Variants in RNASET2 observed in about 807,000 individuals in gnomAD.
RNASET2 encodes the protein ribonuclease 6.
RNASET2 carries 28 observed loss-of-function variants against 33.9 expected under a neutral mutation model. The ratio of observed to expected loss-of-function variants is 0.83; its 90% CI spans 0.61 to 1.13. RNASET2 has a LOEUF of 1.13. RNASET2 is among the 50% of genes most tolerant of loss of function. The pLI is 0.00. For synonymous variants in RNASET2, 123 were observed against 121.0 expected (o/e 1.02, Z -0.11); for missense variants, 330 against 319.9 (o/e 1.03, Z -0.24).
In RNASET2 at chr6:166,925,253, G is replaced by A. The variant is rs1420903389; in HGVS notation, c.*4335C>T. On this transcript the variant is annotated 3_prime_UTR_variant, in exon 9 of 9. Coordinates refer to ENST00000508775, the MANE Select transcript of RNASET2 (RefSeq NM_003730.6). ...GCTGTCCAGCCGACACCTACGATGCGCAGTCCATGTCTCCGCTGCCCAGGC... is the reference window on the plus strand; with the variant it reads ...GCTGTCCAGCCGACACCTACGATGCACAGTCCATGTCTCCGCTGCCCAGGC... Among the ~76,000 whole-genome samples the A allele has an allele frequency of 3.5e-5, 5 of 143,256 alleles. No homozygotes were observed. The highest frequency in any genetic ancestry group is 4.2e-4 in the East Asian group (2 of 4,714). The allele number at this position is 143,256 out of a possible 152,430, so 94.0% of individuals were successfully genotyped here.
At position 166,925,168 on chromosome 6, in the gene RNASET2, GCCGC is replaced by G. The variant is rs1778285930; in HGVS notation, c.*4416_*4419del. Among the ~76,000 whole-genome samples the G allele has an allele frequency of 9.6e-6, 1 of 104,196 alleles. No homozygotes were observed. Among genetic ancestry groups the G allele is most frequent in the African/African-American group, 7.2e-5 (1 of 13,830 alleles). 68.4% of individuals were successfully genotyped at this position (104,196 alleles called of 152,430 possible). On this transcript the variant is annotated 3_prime_UTR_variant, in exon 9 of 9. Transcript: ENST00000508775. ...TCTACGCCATCCAGCCCTCACTCCT[GCCGC>G]CCAGCCCTCACTCCTGCCGCCCAGC...
In RNASET2 at chr6:166,925,080, T is replaced by A. The variant is rs1259179047; in HGVS notation, c.*4508A>T. 1.5e-5 allele frequency among the ~76,000 whole-genome samples: 2 copies of A among 130,430 alleles called. No individual in the cohort carries two copies. The highest frequency in any genetic ancestry group is 3.2e-5 in the Non-Finnish European group (2 of 61,690). The allele number at this position is 130,430 out of a possible 152,430, so 85.6% of individuals were successfully genotyped here. A position where few individuals can be genotyped will look rare whatever the true frequency, so the allele number is the denominator to read the frequency against. On this transcript the variant is annotated 3_prime_UTR_variant, in exon 9 of 9. Transcript: ENST00000508775. ...GGCCTCTACCCAGTCATCTAGGCAT[T>A]CTCCCTGCCGTCTAGCCCAAAACCG...
chr6:166,954,468 T>C, intron 1 of RNASET2, among the ~76,000 whole-genome samples: 1 of 152,216 alleles, frequency 6.6e-6, no homozygotes, highest in Non-Finnish European at 1.5e-5. Flanking sequence ...TTACTATTTC[T>C]ACTTTACAGA....
intron 6 of RNASET2, chr6:166,934,792 T>C (rs1272643110): frequency 6.5e-6 from 1 of 152,764 alleles, no homozygotes; most frequent in Non-Finnish European, 1.5e-5. Context: ...CTCCAAGATG[T>C]TCACATGACA....
chr6:166,942,995 C>G, intron 5 of RNASET2, 24 bp downstream of exon 5: 1 of 1,603,864 alleles, frequency 6.2e-7, no homozygotes, highest in Non-Finnish European at 8.5e-7. Context: ...GTAATCAAGA[C>G]AGCAATCAGA....
chr6:166,930,145 A>C (rs1778384527), intron 8 of RNASET2, among the ~76,000 whole-genome samples: 1 of 152,234 alleles, frequency 6.6e-6, no homozygotes, highest in African/African-American at 2.4e-5. Flanking sequence ...ATCTATCAAG[A>C]TATTAGGAGA....
intron 4 of RNASET2, 52 bp downstream of exon 4, chr6:166,946,630 G>T: frequency 1.0e-6 from 1 of 978,900 alleles, no homozygotes; most frequent in Non-Finnish European, 1.6e-6. Context: ...GTGAAGAAAA[G>T]AGTTAATCTA....
At position 166,943,026 on chromosome 6, in the gene RNASET2, G is replaced by T. The variant is rs780445402; in HGVS notation, c.325C>A (p.Arg109Ser). ...TCAGAGGCTGGGACTTACCAGAAGCGGCTGCGATTGGGAAACGAGTGAATT... is the reference window on the plus strand; with the variant it reads ...TCAGAGGCTGGGACTTACCAGAAGCTGCTGCGATTGGGAAACGAGTGAATT... ...DVIHSFPNRS[R>S]FWKHEWEKHG... is the part of the protein sequence containing the mutation. Residue 109 changes from arginine to serine, a missense_variant, in exon 5 of 9, where the codon CGC becomes AGC. Physicochemically the swap from Arg to Ser is moderately radical, Grantham distance 110. Coordinates refer to ENST00000508775, the MANE Select transcript of RNASET2 (RefSeq NM_003730.6). The T allele has an allele frequency of 6.8e-6, 11 of 1,613,492 alleles. No individual in the cohort carries two copies. The highest frequency in any genetic ancestry group is 9.3e-6 in the Non-Finnish European group (11 of 1,179,606).
chr6:166,931,517 T>C (rs1437535160), intron 7 of RNASET2: 6 of 261,296 alleles, frequency 2.3e-5, no homozygotes, highest in African/African-American at 8.9e-5. Context: ...CACTCTGAAG[T>C]ATCTCTCTCT....
chr6:166,936,004 C>T (rs1778557426), intron 6 of RNASET2, among the ~76,000 whole-genome samples: 1 of 152,046 alleles, frequency 6.6e-6, no homozygotes, highest in South Asian at 2.1e-4. Flanking sequence ...GAAAAGCCAA[C>T]CTATGAGAAA....
chr6:166,950,507 C>G (rs1778957621), intron 2 of RNASET2, among the ~76,000 whole-genome samples: 1 of 152,262 alleles, frequency 6.6e-6, no homozygotes. Context: ...AAAGTCACTA[C>G]CACTCAGTGC....
chr6:166,943,308 A>G (rs1778738185), intron 4 of RNASET2: 1 of 454,454 alleles, frequency 2.2e-6, no homozygotes, highest in East Asian at 4.6e-5. Flanking sequence ...CGAAAATACA[A>G]GCTGTTATAG....
Position 166,923,425 on chromosome 6 carries a change from G to C in RNASET2, c.*6163C>G, listed in dbSNP as rs370494246. On this transcript the variant is annotated 3_prime_UTR_variant, in exon 9 of 9. Transcript: ENST00000508775. ...AGTAGAGATAGGGTTTCGTCCTGTTGGCCAGGGTGGTCTTGAACGCTTGAC... is the reference window on the plus strand; with the variant it reads ...AGTAGAGATAGGGTTTCGTCCTGTTCGCCAGGGTGGTCTTGAACGCTTGAC... Among the ~76,000 whole-genome samples, 5 of 151,768 alleles carry C rather than the reference G, an allele frequency of 3.3e-5. No individual in the cohort carries two copies. Among genetic ancestry groups the C allele is most frequent in the Non-Finnish European group, 7.4e-5 (5 of 67,984 alleles).
At position 166,927,692 on chromosome 6, in the gene RNASET2, C is replaced by A. The variant is rs943693034; in HGVS notation, c.*1896G>T. ...ATGAAGATAAAACCCAAGCCTTGAT[C>A]CCTGTGTTCGCAAAATGACTCAAAA... On this transcript the variant is annotated 3_prime_UTR_variant, in exon 9 of 9. Transcript: ENST00000508775. Among the ~76,000 whole-genome samples, 1 of 137,204 alleles carries A rather than the reference C, an allele frequency of 7.3e-6. No individual in the cohort carries two copies. The highest frequency in any genetic ancestry group is 2.0e-4 in the East Asian group (1 of 4,978). 90.0% of individuals were successfully genotyped at this position (137,204 alleles called of 152,430 possible). A position where few individuals can be genotyped will look rare whatever the true frequency, so the allele number is the denominator to read the frequency against.
chr6:166,938,222 T>A (rs1778612899), intron 6 of RNASET2, among the ~76,000 whole-genome samples: 1 of 152,182 alleles, frequency 6.6e-6, no homozygotes, highest in African/African-American at 2.4e-5. Context: ...TGAAGGTCAG[T>A]GAGAGCAGCT....
At chr6:166,937,661 A>G (rs1318938451) in intron 6 of RNASET2, among the ~76,000 whole-genome samples, 1 of 152,204 alleles carries the variant, frequency 6.6e-6, no homozygotes, top group African/African-American at 2.4e-5. Context: ...GAGCTGGAAG[A>G]GACTTCAGGG....
At chr6:166,947,545 C>T (rs1476114224) in intron 3 of RNASET2, among the ~76,000 whole-genome samples, 1 of 152,112 alleles carries the variant, frequency 6.6e-6, no homozygotes, top group Admixed American at 6.5e-5. Context: ...CCATGATGGG[C>T]AGAGGTACAT....
rs1355770288 is a variant in RNASET2 at position 166,956,467 on chromosome 6, G to A, written c.-285C>T. 6.3e-6 allele frequency: 3 copies of A among 476,858 alleles called. No individual in the cohort carries two copies. The highest frequency in any genetic ancestry group is 2.1e-5 in the African/African-American group (1 of 47,758). The allele number at this position is 476,858 out of a possible 1,614,324, so 29.5% of individuals were successfully genotyped here. On this transcript the variant is annotated 5_prime_UTR_variant, in exon 1 of 9. Transcript: ENST00000508775. ...CGTGCACCAAGCGCGCACGTCCCGG[G>A]CTCTGCTTCGCGACCCACAGCGACC...
chr6:166,927,668 T>C lies in RNASET2; in HGVS notation c.*1920A>G, dbSNP rs986113469. ...AATTCACCAGCTCCTCTGGGAATAA[T>C]GAAGATAAAACCCAAGCCTTGATCC... On this transcript the variant is annotated 3_prime_UTR_variant, in exon 9 of 9. Transcript: ENST00000508775. Among the ~76,000 whole-genome samples the C allele has an allele frequency of 3.8e-5, 4 of 106,626 alleles. No homozygotes were observed. The highest frequency in any genetic ancestry group is 5.4e-5 in the Non-Finnish European group (3 of 55,484). The allele number at this position is 106,626 out of a possible 152,430, so 70.0% of individuals were successfully genotyped here. A position where few individuals can be genotyped will look rare whatever the true frequency, so the allele number is the denominator to read the frequency against.
Sources: allele counts gnomAD v4.1 joint callset (sites outside exome capture counted in the v4.1 genomes callset), GRCh38; gene constraint gnomAD v4.1.1; transcripts MANE v1.5; gene names NCBI Gene and HGNC (gene_info 2026-07-23, HGNC 2026-07-21).